The following MAGI2 variants were observed in gnomAD, a reference collection of about 807,000 sequenced individuals.
The protein encoded by MAGI2 is membrane-associated guanylate kinase, WW and PDZ domain-containing protein 2.
MAGI2 carries 35 observed loss-of-function variants against 133.3 expected under a neutral mutation model. That is an observed-to-expected ratio of 0.26 (90% confidence interval 0.20 to 0.35). The LOEUF (loss-of-function observed/expected upper bound fraction) is 0.35. Ranked by LOEUF, MAGI2 falls within the 10% of genes least tolerant of loss-of-function variation. The probability of loss-of-function intolerance (pLI) is 1.00; values close to 1 mark genes in which losing one functional copy is unlikely to be tolerated. For synonymous variants in MAGI2, 729 were observed against 710.6 expected (o/e 1.03, Z -0.41); for missense variants, 1,636 against 1,863.4 (o/e 0.88, Z 2.25).
chr7:78,406,884 T>C (rs1797429716), intron 6 of MAGI2, among the ~76,000 whole-genome samples: 1 of 152,070 alleles, frequency 6.6e-6, no homozygotes. Context: ...TTCATGACCA[T>C]GTTGTAATAT....
intron 3 of MAGI2, among the ~76,000 whole-genome samples, chr7:78,568,873 G>C (rs1256215450): frequency 6.6e-6 from 1 of 152,104 alleles, no homozygotes; most frequent in African/African-American, 2.4e-5. Flanking sequence ...TCCTTGCTGG[G>C]TTCTGAGTCT....
At chr7:78,097,248 G>C (rs947990225) in intron 20 of MAGI2, among the ~76,000 whole-genome samples, 5 of 152,024 alleles carry the variant, frequency 3.3e-5, no homozygotes, top group African/African-American at 1.2e-4. Context: ...TGTGGAAAGC[G>C]GTATGGCGAT....
chr7:79,310,764 C>A (rs1838219049), intron 1 of MAGI2, among the ~76,000 whole-genome samples: 1 of 152,090 alleles, frequency 6.6e-6, no homozygotes, highest in African/African-American at 2.4e-5. Flanking sequence ...TCACTATGAG[C>A]AAATTGTGAC....
Position 78,019,442 on chromosome 7 carries a change from G to A in MAGI2, c.4241C>T (p.Pro1414Leu), listed in dbSNP as rs1351947830. 6.0e-6 allele frequency: 6 copies of A among 993,050 alleles called. No individual in the cohort carries two copies. Among genetic ancestry groups the A allele is most frequent in the Non-Finnish European group, 7.2e-6 (6 of 836,964 alleles). 61.5% of individuals were successfully genotyped at this position (993,050 alleles called of 1,614,324 possible). ...GRAGARAGPRPGPRPPGGAPA... is the reference protein window; with the variant it reads ...GRAGARAGPRLGPRPPGGAPA... ...GGCGCCCCCCGGGGGTCGCGGGCCC[G>A]GCCGGGGACCCGCGCGCGCACCCGC... The change falls in exon 22 of 22, where the codon CCG (proline) becomes CTG (leucine). Residue 1414 changes from proline to leucine, a missense_variant. Pro to Leu is a moderately conservative substitution (Grantham distance 98). Around this residue, in one of 5 missense-constraint regions of MAGI2, gnomAD observed 354 missense variants for 298.7 expected, o/e 1.19. Transcript: ENST00000354212.
At chr7:78,924,562 A>G (rs1181867021) in intron 2 of MAGI2, among the ~76,000 whole-genome samples, 1 of 152,048 alleles carries the variant, frequency 6.6e-6, no homozygotes, top group Non-Finnish European at 1.5e-5. Flanking sequence ...ATCATGGTGG[A>G]TAAGCTTTTT....
chr7:78,986,138 G>A (rs1805242868), intron 2 of MAGI2, among the ~76,000 whole-genome samples: 1 of 152,046 alleles, frequency 6.6e-6, no homozygotes, highest in South Asian at 2.1e-4. Flanking sequence ...ACACTACTTA[G>A]CACTTAGCTG....
chr7:78,671,524 T>G (rs1344348916), intron 2 of MAGI2, among the ~76,000 whole-genome samples: 10 of 152,176 alleles, frequency 6.6e-5, no homozygotes, highest in African/African-American at 7.2e-5. Context: ...TGTTATTTGC[T>G]GCAAAATTGG....
chr7:78,084,363 C>G (rs1351863732), intron 20 of MAGI2, among the ~76,000 whole-genome samples: 1 of 152,234 alleles, frequency 6.6e-6, no homozygotes, highest in African/African-American at 2.4e-5. Context: ...CACCTATTGT[C>G]TCTGTGTCAT....
At chr7:79,059,931 T>C (rs1461687476) in intron 1 of MAGI2, among the ~76,000 whole-genome samples, 1 of 152,114 alleles carries the variant, frequency 6.6e-6, no homozygotes, top group Non-Finnish European at 1.5e-5. Flanking sequence ...ACCATCAATA[T>C]TTCATGTGTG....
intron 1 of MAGI2, among the ~76,000 whole-genome samples, chr7:79,187,780 A>T (rs980202866): frequency 5.3e-5 from 8 of 151,952 alleles, no homozygotes; most frequent in African/African-American, 1.7e-4. Flanking sequence ...TTCACAGATA[A>T]ACACACATAT....
At chr7:78,076,936 G>GT (rs941679073) in intron 21 of MAGI2, among the ~76,000 whole-genome samples, 64 of 144,220 alleles carry the variant, frequency 4.4e-4, no homozygotes, top group African/African-American at 1.6e-3. Flanking sequence ...TCAAAAACAT[G>GT]TTTTTATTTC....
chr7:78,804,447 T>TAA (rs1200651481), intron 2 of MAGI2, among the ~76,000 whole-genome samples: 5 of 134,806 alleles, frequency 3.7e-5, no homozygotes, highest in African/African-American at 1.1e-4. Flanking sequence ...TAAACTAAAC[T>TAA]AAAAAAAAAA....
intron 2 of MAGI2, among the ~76,000 whole-genome samples, chr7:79,003,934 T>G (rs890909301): frequency 2.0e-5 from 3 of 152,118 alleles, no homozygotes; most frequent in Non-Finnish European, 4.4e-5. Context: ...TGTCTATTAT[T>G]AAAAAGAGCA....
intron 3 of MAGI2, among the ~76,000 whole-genome samples, chr7:78,545,501 C>T (rs563640483): frequency 1.5e-4 from 23 of 152,166 alleles, no homozygotes; most frequent in East Asian, 1.9e-4. Flanking sequence ...TGTGAGCCAC[C>T]GTGCTCAGCC....
chr7:78,173,961 C>T (rs1451111876), intron 14 of MAGI2, among the ~76,000 whole-genome samples: 5 of 152,080 alleles, frequency 3.3e-5, no homozygotes, highest in Non-Finnish European at 5.9e-5. Context: ...AATTAATCGG[C>T]GCTCAACAAT....
intron 6 of MAGI2, among the ~76,000 whole-genome samples, chr7:78,451,680 A>T (rs1788740412): frequency 6.6e-6 from 1 of 152,110 alleles, no homozygotes; most frequent in South Asian, 2.1e-4. Context: ...TGTTGTGAGG[A>T]TTAAATGAGT....
chr7:78,983,459 T>C (rs763422586), intron 2 of MAGI2, among the ~76,000 whole-genome samples: 50 of 151,976 alleles, frequency 3.3e-4, no homozygotes, highest in Non-Finnish European at 2.2e-4. Flanking sequence ...TAGAATGTTC[T>C]CTTTGGGGAT....
At chr7:78,975,044 A>G (rs969130031) in intron 2 of MAGI2, among the ~76,000 whole-genome samples, 1 of 151,806 alleles carries the variant, frequency 6.6e-6, no homozygotes, top group Non-Finnish European at 1.5e-5. Context: ...AAAAATTAAT[A>G]TAAATGAAAG....
intron 1 of MAGI2, among the ~76,000 whole-genome samples, chr7:79,261,821 C>T (rs373181861): frequency 6.6e-6 from 1 of 152,162 alleles, no homozygotes; most frequent in Non-Finnish European, 1.5e-5. Flanking sequence ...TCAATACCTG[C>T]ACCATTTATT....
Sources: allele counts gnomAD v4.1 joint callset (sites outside exome capture counted in the v4.1 genomes callset), GRCh38; gene constraint gnomAD v4.1.1; regional missense constraint gnomAD v4.1.1; transcripts MANE v1.5; gene names NCBI Gene and HGNC (gene_info 2026-07-23, HGNC 2026-07-21).